FAT3: variants seen among roughly 807,000 people sequenced by gnomAD.
The protein encoded by FAT3 is protocadherin Fat 3.
Under a neutral mutation model 310.2 loss-of-function variants are expected in FAT3, and 95 were observed. That is an observed-to-expected ratio of 0.31 (90% CI 0.26 to 0.36). FAT3 has a LOEUF of 0.36. Among genes scored for constraint, FAT3 ranks in the 10% least tolerant of loss-of-function variants. The pLI is 1.00. For synonymous variants in FAT3, 2,314 were observed against 2,192.9 expected (o/e 1.06, Z -1.54); for missense variants, 5,408 against 5,715.6 (o/e 0.95, Z 1.74).
At chr11:92,823,648 T>A (rs1801280395) in intron 13 of FAT3, among the ~76,000 whole-genome samples, 1 of 152,198 alleles carries the variant, frequency 6.6e-6, no homozygotes. Flanking sequence ...CAACAGATTT[T>A]TGGTGCAGTC....
At chr11:92,467,058 T>C (rs1246465904) in intron 2 of FAT3, among the ~76,000 whole-genome samples, 1 of 152,148 alleles carries the variant, frequency 6.6e-6, no homozygotes, top group Non-Finnish European at 1.5e-5. Flanking sequence ...CATGTGTCTT[T>C]ATAGCAGCAT....
chr11:92,810,193 C>T lies in FAT3; in HGVS notation c.9481+117C>T. On this transcript the variant is annotated intron_variant, in intron 13 of 27. Transcript: ENST00000525166. ...CCCCCTTGGTTCTTTACCACGAGAACATGTACATTAAACCCCATTTCAGCT... is the reference window on the plus strand; with the variant it reads ...CCCCCTTGGTTCTTTACCACGAGAATATGTACATTAAACCCCATTTCAGCT... 6.9e-6 allele frequency: 6 copies of T among 872,306 alleles called. No homozygotes were observed. In the South Asian group the frequency reaches 1.0e-4, roughly 15 times the overall value. The allele number at this position is 872,306 out of a possible 1,614,324, so 54.0% of individuals were successfully genotyped here.
At chr11:92,242,800 G>A (rs1013252294) in intron 1 of FAT3, among the ~76,000 whole-genome samples, 1 of 152,018 alleles carries the variant, frequency 6.6e-6, no homozygotes, top group African/African-American at 2.4e-5. Flanking sequence ...TGATATAGGA[G>A]CTGGGCATGG....
chr11:92,890,880 G>A lies in FAT3; in HGVS notation c.13537G>A (p.Glu4513Lys), dbSNP rs1247806649. ...TDLVGPPASC[E>K]FSTFAVSMNQ... ...TTTGGTGGGCCCGCCTGCCAGCTGT[G>A]AATTTAGTACTTTTGCTGTGAGCAT... The change falls in exon 28 of 28, where the codon GAA becomes AAA. Residue 4513 changes from glutamate to lysine, a missense_variant. Physicochemically the swap from Glu to Lys is moderately conservative, Grantham distance 56. Around this residue, in one of 5 missense-constraint regions of FAT3, gnomAD observed 649 missense variants for 666.2 expected, o/e 0.97. Coordinates refer to ENST00000525166, the MANE Select transcript of FAT3 (RefSeq NM_001367949.2). 1 of 1,613,876 alleles carries A rather than the reference G, an allele frequency of 6.2e-7. No homozygotes were observed. The highest frequency in any genetic ancestry group is 8.5e-7 in the Non-Finnish European group (1 of 1,179,896).
In FAT3 at chr11:92,890,368, A is replaced by T. The variant is rs567814714; in HGVS notation, c.13148-123A>T. The T allele has an allele frequency of 2.1e-5, 26 of 1,214,574 alleles. No homozygotes were observed. In the East Asian group the frequency reaches 5.9e-4, roughly 27 times the overall value. 75.2% of individuals were successfully genotyped at this position (1,214,574 alleles called of 1,614,324 possible). On this transcript the variant is annotated intron_variant, in intron 27 of 27. Transcript: ENST00000525166. ...ATGGCTGGCCCCATAGACCCTTGTAATAAGCTTCTTAGGGTTTCTTGGATG... is the reference window on the plus strand; with the variant it reads ...ATGGCTGGCCCCATAGACCCTTGTATTAAGCTTCTTAGGGTTTCTTGGATG...
Position 92,890,560 on chromosome 11 carries a change from A to G in FAT3, c.13217A>G (p.Tyr4406Cys). 2 of 1,612,786 alleles carry G rather than the reference A, an allele frequency of 1.2e-6. No homozygotes were observed. The highest frequency in any genetic ancestry group is 2.2e-5 in the East Asian group (1 of 44,754). The change falls in exon 28 of 28, where the codon TAT (tyrosine) becomes TGT (cysteine). Residue 4406 changes from tyrosine (Y) to cysteine (C), a missense_variant. By Grantham distance (194) the Tyr-to-Cys change is radical (BLOSUM62 -2). This residue lies in a region of FAT3 where 649 missense variants were observed against 666.2 expected (regional missense o/e 0.97). Transcript: ENST00000525166. Reference sequence around the variant, plus strand: ...TCGGACATAGAGGAAGTGCCCAACTATGAGAACCAGGATGGAGGGTCTGCA... The same window carrying G: ...TCGGACATAGAGGAAGTGCCCAACTGTGAGAACCAGGATGGAGGGTCTGCA... The part of the protein sequence containing the change: ...RLSDIEEVPN[Y>C]ENQDGGSAHQ...
At chr11:92,278,357 G>A (rs1289518656) in intron 1 of FAT3, among the ~76,000 whole-genome samples, 1 of 152,046 alleles carries the variant, frequency 6.6e-6, no homozygotes, top group Non-Finnish European at 1.5e-5. Context: ...TGACTTTGGT[G>A]CAAACATTTT....
At chr11:92,311,928 A>T (rs1947314827) in intron 1 of FAT3, among the ~76,000 whole-genome samples, 1 of 152,180 alleles carries the variant, frequency 6.6e-6, no homozygotes, top group Admixed American at 6.5e-5. Flanking sequence ...TACCCATGAA[A>T]ACCTTAAACA....
chr11:92,858,134 G>A (rs1949029459), intron 20 of FAT3, among the ~76,000 whole-genome samples: 1 of 152,210 alleles, frequency 6.6e-6, no homozygotes, highest in African/African-American at 2.4e-5. Flanking sequence ...AAGGAACTTT[G>A]CAAGCATTGA....
chr11:92,225,584 C>T (rs1383658479), intron 1 of FAT3, among the ~76,000 whole-genome samples: 1 of 152,056 alleles, frequency 6.6e-6, no homozygotes, highest in Non-Finnish European at 1.5e-5. Context: ...GCCTCTCGGG[C>T]GCAGTGGGGG....
At chr11:92,586,592 A>T (rs1939168588) in intron 3 of FAT3, among the ~76,000 whole-genome samples, 1 of 152,010 alleles carries the variant, frequency 6.6e-6, no homozygotes, top group South Asian at 2.1e-4. Flanking sequence ...ACAAATAATA[A>T]TCATGGCCAG....
At chr11:92,829,497 A>G (rs1948185533) in intron 13 of FAT3, among the ~76,000 whole-genome samples, 1 of 152,152 alleles carries the variant, frequency 6.6e-6, no homozygotes. Context: ...GGGGCACACA[A>G]CCTATTCTGA....
intron 3 of FAT3, among the ~76,000 whole-genome samples, chr11:92,630,264 C>A (rs1238483060): frequency 6.6e-6 from 1 of 152,182 alleles, no homozygotes; most frequent in Non-Finnish European, 1.5e-5. Context: ...GCCCTTTGGT[C>A]TCTTTGATGA....
chr11:92,828,671 G>C (rs751262335), intron 13 of FAT3, among the ~76,000 whole-genome samples: 5 of 152,158 alleles, frequency 3.3e-5, no homozygotes, highest in Non-Finnish European at 5.9e-5. Flanking sequence ...GAAAAACCCT[G>C]TCATGGAGTT....
At chr11:92,464,105 G>A (rs1057398452) in intron 2 of FAT3, among the ~76,000 whole-genome samples, 1 of 152,202 alleles carries the variant, frequency 6.6e-6, no homozygotes, top group African/African-American at 2.4e-5. Context: ...GCAGCCAGAA[G>A]TGTAAAGGAT....
rs1351528268 is a variant in FAT3 at position 92,224,901 on chromosome 11, T to C, written c.-291T>C. 6.6e-6 allele frequency among the ~76,000 whole-genome samples: 1 copy of C among 151,726 alleles called. No homozygotes were observed. The highest frequency in any genetic ancestry group is 1.5e-5 in the Non-Finnish European group (1 of 67,920). ...GCTGCGCTGTGAACTGGCCTGCGGATTGGGATCTCGCGCCTCCCGTCCCTC... is the reference window on the plus strand; with the variant it reads ...GCTGCGCTGTGAACTGGCCTGCGGACTGGGATCTCGCGCCTCCCGTCCCTC... On this transcript the variant is annotated 5_prime_UTR_variant, in exon 1 of 28. Transcript: ENST00000525166.
intron 4 of FAT3, among the ~76,000 whole-genome samples, chr11:92,747,600 C>T (rs1007631106): frequency 6.6e-6 from 1 of 152,204 alleles, no homozygotes; most frequent in Non-Finnish European, 1.5e-5. Flanking sequence ...GAATTTCTTC[C>T]CAAAAACTGG....
chr11:92,475,871 A>C (rs886864897), intron 2 of FAT3, among the ~76,000 whole-genome samples: 2 of 152,220 alleles, frequency 1.3e-5, no homozygotes, highest in Non-Finnish European at 2.9e-5. Context: ...TTCCATACAA[A>C]TCCTCATAAA....
intron 2 of FAT3, among the ~76,000 whole-genome samples, chr11:92,464,537 C>T (rs1354948948): frequency 6.6e-6 from 1 of 152,192 alleles, no homozygotes; most frequent in Admixed American, 6.5e-5. Flanking sequence ...GAACAACTGT[C>T]GTGGCATGGA....
Sources: gnomAD v4.1 joint callset for allele counts (sites outside exome capture counted in the v4.1 genomes callset) on GRCh38, gnomAD v4.1.1 for gene constraint, gnomAD v4.1.1 regional missense constraint, MANE v1.5 for transcripts, NCBI Gene and HGNC (gene_info 2026-07-23, HGNC 2026-07-21) for gene names.